The following RANBP2 variants were observed in gnomAD, a reference collection of about 807,000 sequenced individuals.
The protein encoded by RANBP2 is E3 SUMO-protein ligase RanBP2.
In RANBP2, 57 loss-of-function variants were observed where a neutral mutation model predicts 303.6. The observed-to-expected ratio is 0.19, with a 90% confidence interval of 0.15 to 0.23. The LOEUF (loss-of-function observed/expected upper bound fraction) is 0.23. RANBP2 is among the 10% of genes least tolerant of loss of function. The pLI, the probability that RANBP2 is intolerant of heterozygous loss-of-function variation, is 1.00. For synonymous variants in RANBP2, 1,167 were observed against 1,301.5 expected (o/e 0.90, Z 2.23); for missense variants, 3,138 against 3,780.8 (o/e 0.83, Z 4.46).
At chr2:109,164,744 C>G in the RANBP2 span, among the ~76,000 whole-genome samples, 1 of 152,178 alleles carries the variant, frequency 6.6e-6, no homozygotes, top group East Asian at 1.9e-4. Flanking sequence ...ACCTGGCTTG[C>G]AGAACCTCTG....
At chr2:109,593,219 T>C in the RANBP2 span, 3 of 723,528 alleles carry the variant, frequency 4.1e-6, no homozygotes, top group East Asian at 5.7e-5. Flanking sequence ...GTTATAATAA[T>C]GTTGTTATCA....
At chr2:109,372,465 G>A in the RANBP2 span, among the ~76,000 whole-genome samples, 1 of 152,174 alleles carries the variant, frequency 6.6e-6, no homozygotes, top group South Asian at 2.1e-4. Flanking sequence ...CCATAAGAGT[G>A]GCTTCAGTGA....
chr2:109,709,776 G>A, the RANBP2 span, among the ~76,000 whole-genome samples: 1 of 152,184 alleles, frequency 6.6e-6, no homozygotes, highest in Admixed American at 6.6e-5. Flanking sequence ...GCAAATTAGA[G>A]AAACAAAATG....
At chr2:109,164,381 G>A in the RANBP2 span, among the ~76,000 whole-genome samples, 1 of 152,184 alleles carries the variant, frequency 6.6e-6, no homozygotes, top group East Asian at 1.9e-4. Context: ...ATGGGGTCTT[G>A]CTGTGTTGCT....
chr2:109,181,389 T>C, the RANBP2 span, among the ~76,000 whole-genome samples: 14 of 152,324 alleles, frequency 9.2e-5, no homozygotes, highest in African/African-American at 3.4e-4. Flanking sequence ...GTCTTGCCAC[T>C]CACGTCTTTT....
the RANBP2 span, among the ~76,000 whole-genome samples, chr2:109,534,684 G>T: frequency 6.6e-6 from 1 of 152,004 alleles, no homozygotes; most frequent in East Asian, 1.9e-4. Context: ...GGAGGCTGAG[G>T]TGGGAGAATC....
At chr2:108,966,735 C>G in the RANBP2 span, among the ~76,000 whole-genome samples, 7 of 152,202 alleles carry the variant, frequency 4.6e-5, no homozygotes, top group African/African-American at 1.7e-4. Flanking sequence ...AGCTACTGAG[C>G]CCACATGGCC....
the RANBP2 span, among the ~76,000 whole-genome samples, chr2:108,870,260 A>G: frequency 1.2e-4 from 18 of 152,244 alleles, no homozygotes; most frequent in African/African-American, 4.3e-4. Flanking sequence ...TTGAACAGGC[A>G]AAAGAAAGAA....
chr2:109,455,860 A>G, the RANBP2 span, among the ~76,000 whole-genome samples: 3 of 152,272 alleles, frequency 2.0e-5, no homozygotes, highest in East Asian at 5.8e-4. Context: ...GGCTGGCTGC[A>G]TGCTCCCACC....
the RANBP2 span, among the ~76,000 whole-genome samples, chr2:109,696,849 C>A: frequency 6.6e-6 from 1 of 152,252 alleles, no homozygotes; most frequent in Non-Finnish European, 1.5e-5. Flanking sequence ...ATGATCACAG[C>A]TCACTGCAAC....
the RANBP2 span, among the ~76,000 whole-genome samples, chr2:109,082,042 G>A: frequency 1.3e-5 from 2 of 152,312 alleles, no homozygotes; most frequent in Non-Finnish European, 2.9e-5. Context: ...ATGCAAAGGC[G>A]GAGCCCACCT....
At chr2:108,937,680 GTA>G in the RANBP2 span, among the ~76,000 whole-genome samples, 2 of 151,794 alleles carry the variant, frequency 1.3e-5, no homozygotes, top group South Asian at 4.2e-4. Flanking sequence ...GAGTATAAGT[GTA>G]TGTGATGTGT....
chr2:109,557,723 TAAA>T, the RANBP2 span, among the ~76,000 whole-genome samples: 2 of 152,248 alleles, frequency 1.3e-5, no homozygotes, highest in African/African-American at 4.8e-5. Flanking sequence ...GAATGGTCTA[TAAA>T]GTTAGTATTC....
At chr2:109,483,956 C>G in the RANBP2 span, among the ~76,000 whole-genome samples, 1 of 152,208 alleles carries the variant, frequency 6.6e-6, no homozygotes, top group South Asian at 2.1e-4. Context: ...CCCGCCATCC[C>G]TGTGCCTCCA....
chr2:109,153,592 CCT>C, the RANBP2 span, among the ~76,000 whole-genome samples: 41 of 152,306 alleles, frequency 2.7e-4, no homozygotes, highest in Non-Finnish European at 5.1e-4. Flanking sequence ...CGACAGATGC[CCT>C]GTGTGTGTGG....
At chr2:109,568,628 A>C in the RANBP2 span, among the ~76,000 whole-genome samples, 6 of 152,042 alleles carry the variant, frequency 3.9e-5, 1 homozygote, top group African/African-American at 1.4e-4. Context: ...CAATTTCATC[A>C]TACACTTAAA....
chr2:109,505,943 A>T, the RANBP2 span, among the ~76,000 whole-genome samples: 1 of 152,156 alleles, frequency 6.6e-6, no homozygotes, highest in Non-Finnish European at 1.5e-5. Flanking sequence ...CAGCTTGCCA[A>T]GTGGAGGTAT....
the RANBP2 span, among the ~76,000 whole-genome samples, chr2:109,675,901 G>A: frequency 6.6e-6 from 1 of 152,184 alleles, no homozygotes; most frequent in Non-Finnish European, 1.5e-5. Flanking sequence ...CCAGAGAGCT[G>A]TTGTGAGGTT....
the RANBP2 span, among the ~76,000 whole-genome samples, chr2:109,012,525 T>C: frequency 3.9e-5 from 6 of 152,106 alleles, no homozygotes; most frequent in Non-Finnish European, 5.9e-5. Context: ...CAGTGGCCCC[T>C]CCGGCACTTC....
Sources: allele counts gnomAD v4.1 joint callset (sites outside exome capture counted in the v4.1 genomes callset), GRCh38; gene constraint gnomAD v4.1.1; transcripts MANE v1.5; gene names NCBI Gene and HGNC (gene_info 2026-07-23, HGNC 2026-07-21).